Variants in SEC31B observed in about 807,000 individuals in gnomAD.
SEC31B encodes protein transport protein Sec31B.
In SEC31B, 113 loss-of-function variants were observed where a neutral mutation model predicts 135.0. That is an observed-to-expected ratio of 0.84 (90% CI 0.72 to 0.98). SEC31B has a LOEUF of 0.98. Among genes scored for constraint, SEC31B ranks in the 50% least tolerant of loss-of-function variants. The pLI, the probability that SEC31B is intolerant of heterozygous loss-of-function variation, is 0.00. For synonymous variants in SEC31B, 508 were observed against 549.4 expected (o/e 0.92, Z 1.05); for missense variants, 1,296 against 1,421.1 (o/e 0.91, Z 1.42).
Position 100,490,275 on chromosome 10 carries a change from T to C in SEC31B, c.2698A>G (p.Asn900Asp). Residue 900 changes from asparagine (N) to aspartate (D), a missense_variant, in exon 21 of 26, where the codon AAC (asparagine) becomes GAC (aspartate). Coordinates refer to ENST00000370345, the MANE Select transcript of SEC31B (RefSeq NM_015490.4). The stretch of plus-strand genomic sequence containing the variant: ...CATGTCCCAGGGAATCCCACCGGGT[T>C]AGGAACTTGCACCCTTTGCCCTCCT... ...LLGGQRVQVPNPVGFPGTWPL... is the reference protein window; with the variant it reads ...LLGGQRVQVPDPVGFPGTWPL... 6.2e-7 allele frequency: 1 copy of C among 1,613,904 alleles called. No individual in the cohort carries two copies.
At chr10:100,488,458 CAAA>C (rs5787387) in intron 24 of SEC31B, among the ~76,000 whole-genome samples, 1,567 of 97,176 alleles carry the variant, frequency 0.016, 30 homozygotes, top group African/African-American at 0.058. Flanking sequence ...GACTCCATCT[CAAA>C]AAAAAAAAAA....
rs1851429217 is a variant in SEC31B, at chr10:100,497,262, A to G, written c.2009T>C (p.Met670Thr). ...TAGTGCCCTGCTGCCCTCCTGTTCCATGCGAGTTCCCAGCATGTCTGCAGA... is the reference window on the plus strand; with the variant it reads ...TAGTGCCCTGCTGCCCTCCTGTTCCGTGCGAGTTCCCAGCATGTCTGCAGA... ...PELCDMLGTR[M>T]EQEGSRALTS... The change falls in exon 17 of 26, where the codon ATG becomes ACG. Residue 670 changes from methionine (M) to threonine (T), a missense_variant. Met to Thr is a moderately conservative substitution (Grantham distance 81). Transcript: ENST00000370345. The G allele has an allele frequency of 6.2e-7, 1 of 1,613,972 alleles. No individual in the cohort carries two copies. The highest frequency in any genetic ancestry group is 8.5e-7 in the Non-Finnish European group (1 of 1,179,950).
At chr10:100,516,313 A>C (rs1235764517) in intron 2 of SEC31B, 94 bp from the exon 3 acceptor site, 5 of 1,409,774 alleles carry the variant, frequency 3.5e-6, no homozygotes, top group Admixed American at 4.4e-5. Flanking sequence ...GGAACAGAAG[A>C]GGGCTGGGTA....
At chr10:100,493,255 A>T (rs1019610478) in intron 19 of SEC31B, among the ~76,000 whole-genome samples, 2 of 151,870 alleles carry the variant, frequency 1.3e-5, no homozygotes, top group African/African-American at 4.8e-5. Context: ...CGCCTGTAGT[A>T]CAAGCTACTC....
rs59172062 is a variant in SEC31B at position 100,516,648 on chromosome 10, CAAAAAA to C, written c.79+220_79+225del. ...TGAGCGACAGAGTGAGACTCTGTCT[CAAAAAA>C]AAAAAAAAAAAAAAAAAAAGACGTA... On this transcript the variant is annotated intron_variant, in intron 2 of 25. Coordinates refer to ENST00000370345, the MANE Select transcript of SEC31B (RefSeq NM_015490.4). 6.3e-5 allele frequency among the ~76,000 whole-genome samples: 3 copies of C among 47,524 alleles called. No homozygotes were observed. The East Asian group carries it at 2.6e-3, about 41-fold the overall frequency. The allele number at this position is 47,524 out of a possible 152,430, so 31.2% of individuals were successfully genotyped here. A position where few individuals can be genotyped will look rare whatever the true frequency, so the allele number is the denominator to read the frequency against.
chr10:100,508,267 G>A (rs576995933), intron 5 of SEC31B, among the ~76,000 whole-genome samples: 1 of 152,116 alleles, frequency 6.6e-6, no homozygotes, highest in Non-Finnish European at 1.5e-5. Context: ...GCACATCTAA[G>A]TTTTACTCCT....
At chr10:100,502,112 T>C (rs1459640739) in intron 11 of SEC31B, 142 bp downstream of exon 11, 2 of 673,802 alleles carry the variant, frequency 3.0e-6, no homozygotes, top group Non-Finnish European at 5.2e-6. Flanking sequence ...ATGGTGGGTA[T>C]AGTGTGGGGG....
At chr10:100,505,948 C>A in intron 9 of SEC31B, 92 bp downstream of exon 9, 1 of 1,577,430 alleles carries the variant, frequency 6.3e-7, no homozygotes, top group South Asian at 1.2e-5. Flanking sequence ...GTCTCCCAAT[C>A]TCCAATATCT....
At chr10:100,503,727 C>T (rs929452614) in intron 10 of SEC31B, among the ~76,000 whole-genome samples, 1 of 150,742 alleles carries the variant, frequency 6.6e-6, no homozygotes, top group Non-Finnish European at 1.5e-5. Context: ...AAGCCACCAG[C>T]GCCTGGCCGA....
At position 100,495,455 on chromosome 10, in the gene SEC31B, A is replaced by G; in HGVS notation, c.2402T>C (p.Ile801Thr). The change falls in exon 19 of 26, where the codon ATT becomes ACT. Residue 801 changes from isoleucine (I) to threonine (T), a missense_variant. Coordinates refer to ENST00000370345, the MANE Select transcript of SEC31B (RefSeq NM_015490.4). Reference sequence around the variant, plus strand: ...AGAGTGGAGGGTAGCTCCCACAACAATCCGGGGGAAGGGGAAAGGGGGAGA... The same window carrying G: ...AGAGTGGAGGGTAGCTCCCACAACAGTCCGGGGGAAGGGGAAAGGGGGAGA... Reference protein sequence around the residue: ...QQSPPFPFPRIVVGATLHSKE... With the variant: ...QQSPPFPFPRTVVGATLHSKE... 6.2e-7 allele frequency: 1 copy of G among 1,613,824 alleles called. No individual in the cohort carries two copies.
intron 3 of SEC31B, among the ~76,000 whole-genome samples, chr10:100,514,602 T>C (rs1420805807): frequency 1.3e-5 from 2 of 150,702 alleles, no homozygotes; most frequent in Non-Finnish European, 3.0e-5. Context: ...CATAAAGTGA[T>C]GCAGGAGCTC....
chr10:100,497,729 C>A lies in SEC31B; in HGVS notation c.1928G>T (p.Trp643Leu), dbSNP rs1440588078. The change falls in exon 16 of 26, where the codon TGG becomes TTG. Residue 643 changes from tryptophan to leucine, a missense_variant. Physicochemically the swap from Trp to Leu is moderately conservative, Grantham distance 61. Coordinates refer to ENST00000370345, the MANE Select transcript of SEC31B (RefSeq NM_015490.4). ...CAGTAGCAAAGCCAGTGCCTCTCTCCAGTTCTTCAGGCTACAGGTACACAC... is the reference window on the plus strand; with the variant it reads ...CAGTAGCAAAGCCAGTGCCTCTCTCAAGTTCTTCAGGCTACAGGTACACAC... ...DVVCTCSLKNWREALALLLTY... is the reference protein window; with the variant it reads ...DVVCTCSLKNLREALALLLTY... The A allele has an allele frequency of 6.2e-7, 1 of 1,614,226 alleles. No individual in the cohort carries two copies. The highest frequency in any genetic ancestry group is 1.7e-5 in the Admixed American group (1 of 60,018).
At chr10:100,507,780 G>C (rs1851661150) in intron 6 of SEC31B, 128 bp downstream of exon 6, 1 of 1,378,232 alleles carries the variant, frequency 7.3e-7, no homozygotes, top group Non-Finnish European at 1.0e-6. Context: ...TAGGAAATGT[G>C]CTAAGCGGCT....
At chr10:100,500,023 G>C (rs1851487902) in intron 11 of SEC31B, 1 of 454,908 alleles carries the variant, frequency 2.2e-6, no homozygotes, top group South Asian at 1.6e-5. Flanking sequence ...TCCTTGCAGG[G>C]ACTCCGGAAG....
At chr10:100,494,105 T>G (rs147042511) in intron 19 of SEC31B, among the ~76,000 whole-genome samples, 198 of 151,860 alleles carry the variant, frequency 1.3e-3, no homozygotes, top group African/African-American at 4.6e-3. Context: ...CTGGTAACTG[T>G]ATCCAAATCT....
At chr10:100,500,105 C>G (rs1851490776) in intron 11 of SEC31B, 1 of 456,576 alleles carries the variant, frequency 2.2e-6, no homozygotes, top group Non-Finnish European at 4.4e-6. Context: ...GGGCAACTTA[C>G]ATACCTGCCT....
chr10:100,516,780 A>C (rs1851858339), intron 2 of SEC31B, 94 bp downstream of exon 2: 1 of 961,900 alleles, frequency 1.0e-6, no homozygotes, highest in African/African-American at 1.6e-5. Context: ...ATGATCTGAG[A>C]GCTTTCTCTG....
chr10:100,498,721 C>T lies in SEC31B; in HGVS notation c.1668G>A (p.Glu556=), dbSNP rs113696129. Residue 556 remains glutamate (E), a synonymous_variant, in exon 14 of 26, where the codon GAG becomes GAA. Transcript: ENST00000370345. ...TCAGGGTACCTTTTGTGATGGGGAT[C>T]TCCCAAGGAGTCATGTTCTGAGGGA... The part of the protein sequence containing the change: ...ELVPQNMTPW[E]IPITKDIDGL... The T allele has an allele frequency of 2.8e-4, 454 of 1,612,904 alleles. 1 individual carries two copies. The African/African-American group carries it at 5.1e-3, about 18-fold the overall frequency.
At chr10:100,512,239 T>C (rs1002251892) in intron 3 of SEC31B, among the ~76,000 whole-genome samples, 5 of 152,078 alleles carry the variant, frequency 3.3e-5, no homozygotes, top group Admixed American at 3.3e-4. Context: ...CTTCCAGAGG[T>C]TATGGGGGCC....
Sources: gnomAD v4.1 joint callset for allele counts (sites outside exome capture counted in the v4.1 genomes callset) on GRCh38, gnomAD v4.1.1 for gene constraint, MANE v1.5 for transcripts, NCBI Gene and HGNC (gene_info 2026-07-23, HGNC 2026-07-21) for gene names.